The following LRP1B variants were observed in gnomAD, a reference collection of about 807,000 sequenced individuals.
LRP1B encodes the protein low-density lipoprotein receptor-related protein 1B.
Under a neutral mutation model 556.6 loss-of-function variants are expected in LRP1B, and 217 were observed. The observed-to-expected ratio is 0.39, with a 90% CI of 0.35 to 0.44. The LOEUF (loss-of-function observed/expected upper bound fraction) is 0.44, where lower values mean the gene tolerates loss of function less well. LRP1B is among the 20% of genes least tolerant of loss of function. The pLI is 1.00. For missense variants in LRP1B, 5,053 were observed against 5,620.8 expected (o/e 0.90, Z 3.23); for synonymous variants, 2,047 against 1,865.8 (o/e 1.10, Z -2.50).
chr2:141,595,934 G>A (rs1687497585), intron 2 of LRP1B, among the ~76,000 whole-genome samples: 1 of 151,938 alleles, frequency 6.6e-6, no homozygotes, highest in Non-Finnish European at 1.5e-5. Context: ...AGTGATGAAT[G>A]ATAAATTATA....
intron 67 of LRP1B, among the ~76,000 whole-genome samples, chr2:140,381,922 G>A (rs1211677482): frequency 6.9e-6 from 1 of 145,448 alleles, no homozygotes; most frequent in Non-Finnish European, 1.5e-5. Context: ...GCATCATGTA[G>A]ACTGATCATT....
At chr2:140,500,908 T>C (rs564056914) in intron 55 of LRP1B, among the ~76,000 whole-genome samples, 1 of 151,984 alleles carries the variant, frequency 6.6e-6, no homozygotes, top group Non-Finnish European at 1.5e-5. Flanking sequence ...ATACTAGTTA[T>C]GTCCTATTGA....
At chr2:140,704,680 T>C (rs1434342929) in intron 37 of LRP1B, among the ~76,000 whole-genome samples, 1 of 152,084 alleles carries the variant, frequency 6.6e-6, no homozygotes, top group Non-Finnish European at 1.5e-5. Flanking sequence ...AAAACATGTA[T>C]TAAAATGGCA....
chr2:141,209,181 C>A (rs910473730), intron 6 of LRP1B, among the ~76,000 whole-genome samples: 10 of 152,110 alleles, frequency 6.6e-5, no homozygotes, highest in African/African-American at 2.4e-4. Context: ...CAAATCTCAC[C>A]TTGAATTGTA....
chr2:141,528,563 C>T (rs955016713), intron 2 of LRP1B, among the ~76,000 whole-genome samples: 8 of 151,996 alleles, frequency 5.3e-5, no homozygotes, highest in Non-Finnish European at 8.8e-5. Flanking sequence ...TATAAACATG[C>T]ATATGAAAAT....
intron 41 of LRP1B, among the ~76,000 whole-genome samples, chr2:140,606,499 T>C (rs955555996): frequency 6.6e-6 from 1 of 151,882 alleles, no homozygotes; most frequent in African/African-American, 2.4e-5. Context: ...TTCCCAGAAA[T>C]TGACAAGCTG....
At chr2:141,048,593 T>A (rs565016968) in intron 11 of LRP1B, among the ~76,000 whole-genome samples, 6 of 152,234 alleles carry the variant, frequency 3.9e-5, no homozygotes, top group Non-Finnish European at 1.5e-5. Flanking sequence ...ATATTTTTCA[T>A]GCATTTTGAG....
Position 141,879,849 on chromosome 2 carries a change from T to C in LRP1B, c.83-69448A>G, listed in dbSNP as rs116665497. 9.0e-3 allele frequency among the ~76,000 whole-genome samples: 1,367 copies of C among 152,166 alleles called. 16 individuals carry two copies. The highest frequency in any genetic ancestry group is 0.011 in the Non-Finnish European group (730 of 67,950). On this transcript the variant is annotated intron_variant, in intron 1 of 90. Transcript: ENST00000389484. ...ATGAATATTTTTAAAAATTACTTTA[T>C]ACTCCATTCTGCTTTCTTATCCCTA...
intron 1 of LRP1B, among the ~76,000 whole-genome samples, chr2:142,080,925 T>C (rs1374414938): frequency 6.6e-6 from 1 of 152,164 alleles, no homozygotes; most frequent in Non-Finnish European, 1.5e-5. Context: ...TCTGTAGAAA[T>C]AGTTCTCAAG....
intron 1 of LRP1B, among the ~76,000 whole-genome samples, chr2:142,056,975 G>GACA (rs1324507065): frequency 6.6e-6 from 1 of 152,064 alleles, no homozygotes; most frequent in Admixed American, 6.6e-5. Context: ...GGAAAAAACA[G>GACA]ACAACTCAGC....
chr2:140,601,305 CA>C, intron 42 of LRP1B, 144 bp downstream of exon 42: 1 of 675,724 alleles, frequency 1.5e-6, no homozygotes, highest in Non-Finnish European at 2.2e-6. Context: ...AATGCTCTTA[CA>C]TAAAAAAAAA....
chr2:140,481,285 T>A (rs1454234689), intron 59 of LRP1B, among the ~76,000 whole-genome samples: 1 of 152,160 alleles, frequency 6.6e-6, no homozygotes, highest in African/African-American at 2.4e-5. Context: ...CACAACATGT[T>A]TATGATCCAC....
At chr2:140,323,592 T>TTAAAGTATAATAATAATA (rs1461205663) in intron 81 of LRP1B, among the ~76,000 whole-genome samples, 1 of 151,712 alleles carries the variant, frequency 6.6e-6, no homozygotes, top group African/African-American at 2.4e-5. Flanking sequence ...ACCCTAAAAC[T>TTAAAGTATAATAATAATA]TAAAGTATAA....
intron 7 of LRP1B, among the ~76,000 whole-genome samples, chr2:141,150,067 G>T (rs1274249099): frequency 6.6e-6 from 1 of 152,182 alleles, no homozygotes; most frequent in Non-Finnish European, 1.5e-5. Flanking sequence ...GAGGGTGGGA[G>T]GGAGGAGCAG....
rs539631221 is a variant in LRP1B, at chr2:141,679,073, A to G, written c.205+131206T>C. Among the ~76,000 whole-genome samples, 4 of 152,272 alleles carry G rather than the reference A, an allele frequency of 2.6e-5. No homozygotes were observed. In the East Asian group the frequency reaches 7.7e-4, roughly 29 times the overall value. On this transcript the variant is annotated intron_variant, in intron 2 of 90. Transcript: ENST00000389484. ...CAACTGCCATATTGTCAGCTGCCCTATAGAATGGTGCTTGTGGCAAAGAAC... is the reference window on the plus strand; with the variant it reads ...CAACTGCCATATTGTCAGCTGCCCTGTAGAATGGTGCTTGTGGCAAAGAAC...
chr2:141,596,803 A>G (rs1453784920), intron 2 of LRP1B, among the ~76,000 whole-genome samples: 3 of 152,052 alleles, frequency 2.0e-5, no homozygotes, highest in Non-Finnish European at 4.4e-5. Context: ...GATGTTCATA[A>G]TAAGGTAACA....
At chr2:141,146,363 C>T (rs945351582) in intron 7 of LRP1B, among the ~76,000 whole-genome samples, 1 of 152,130 alleles carries the variant, frequency 6.6e-6, no homozygotes, top group African/African-American at 2.4e-5. Context: ...GGAGGGAAAT[C>T]TGTTTTCTTA....
chr2:140,363,751 C>CCCTGCAT (rs1682625746), intron 72 of LRP1B, among the ~76,000 whole-genome samples: 6 of 151,500 alleles, frequency 4.0e-5, no homozygotes, highest in African/African-American at 1.2e-4. Flanking sequence ...TTTCCCTGCA[C>CCCTGCAT]TTTTGTATTT....
At chr2:141,591,852 C>G (rs62166489) in intron 2 of LRP1B, among the ~76,000 whole-genome samples, 1 of 152,016 alleles carries the variant, frequency 6.6e-6, no homozygotes, top group African/African-American at 2.4e-5. Flanking sequence ...TGTTATTTAG[C>G]CAGCTCTACA....
Sources: allele counts gnomAD v4.1 joint callset (sites outside exome capture counted in the v4.1 genomes callset), GRCh38; gene constraint gnomAD v4.1.1; transcripts MANE v1.5; gene names NCBI Gene and HGNC (gene_info 2026-07-23, HGNC 2026-07-21).